Variants in NDE1 observed in about 807,000 individuals in gnomAD.
NDE1 encodes nudE neurodevelopment protein 1, also known as nuclear distribution protein nudE homolog 1.
In NDE1, 28 loss-of-function variants were observed where a neutral mutation model predicts 43.4. That is an observed-to-expected ratio of 0.65 (90% CI 0.48 to 0.89). The LOEUF (loss-of-function observed/expected upper bound fraction) is 0.89, where lower values mean the gene tolerates loss of function less well. Among genes scored for constraint, NDE1 ranks in the 40% least tolerant of loss-of-function variants. The pLI, the probability that NDE1 is intolerant of heterozygous loss-of-function variation, is 0.00. For missense variants in NDE1, 441 were observed against 434.1 expected (o/e 1.02, Z -0.14); for synonymous variants, 184 against 172.0 (o/e 1.07, Z -0.55).
chr16:15,699,904 T>A (rs1365828205), intron 8 of NDE1: 2 of 1,264,222 alleles, frequency 1.6e-6, no homozygotes, highest in African/African-American at 1.6e-5. Flanking sequence ...GTTTTTGTTT[T>A]AAGTTAGTTT....
intron 4 of NDE1, among the ~76,000 whole-genome samples, chr16:15,680,299 G>T (rs968641633): frequency 3.3e-5 from 5 of 152,132 alleles, no homozygotes; most frequent in African/African-American, 4.8e-5. Context: ...AATGTGGGGG[G>T]GCCCACGGTG....
At chr16:15,707,264 A>T (rs1449512583) in intron 8 of NDE1, among the ~76,000 whole-genome samples, 1 of 152,100 alleles carries the variant, frequency 6.6e-6, no homozygotes, top group Non-Finnish European at 1.5e-5. Flanking sequence ...CCTGACCTCA[A>T]GTTATCTGCC....
intron 8 of NDE1, among the ~76,000 whole-genome samples, chr16:15,698,718 G>A (rs1339156249): frequency 1.3e-5 from 2 of 151,870 alleles, no homozygotes; most frequent in Non-Finnish European, 2.9e-5. Context: ...AAAATTAGCC[G>A]GGCATGGTCG....
chr16:15,685,969 T>G (rs1053482788), intron 4 of NDE1, among the ~76,000 whole-genome samples: 37 of 151,348 alleles, frequency 2.4e-4, no homozygotes, highest in African/African-American at 6.8e-4. Flanking sequence ...TTTTTTTTTT[T>G]GGGAAACATT....
rs758572240 is a variant in NDE1, at chr16:15,719,209, C to T, written c.948-4982C>T. ...TGCTTCAGAGCCCTCTTCCTCCATT[C>T]AGTTTCCTACCTTCCCGACAGGCTA... On this transcript the variant is annotated intron_variant, in intron 8 of 8. Transcript: ENST00000396354. The T allele has an allele frequency of 1.2e-5, 19 of 1,612,996 alleles. No homozygotes were observed. Among genetic ancestry groups the T allele is most frequent in the African/African-American group, 2.7e-5 (2 of 74,920 alleles).
At position 15,691,134 on chromosome 16, in the gene NDE1, T is replaced by A. The variant is rs377663978; in HGVS notation, c.524-10T>A. 4.3e-6 allele frequency: 7 copies of A among 1,613,966 alleles called. No individual in the cohort carries two copies. In the African/African-American group the frequency reaches 8.0e-5, roughly 18 times the overall value. On this transcript the variant is annotated splice_polypyrimidine_tract_variant and intron_variant, in intron 5 of 8. Transcript: ENST00000396354. ...AGGACTTGAATTCCTGAATCCTTTT[T>A]CTGGCACAGATTTGCGGCAGGAACT...
intron 7 of NDE1, chr16:15,694,688 C>T (rs1049362710): frequency 5.1e-6 from 5 of 985,222 alleles, no homozygotes; most frequent in African/African-American, 1.7e-5. Context: ...GTGGCTGCTC[C>T]TTTAGCATCC....
At chr16:15,710,523 A>G (rs543139313) in intron 8 of NDE1, among the ~76,000 whole-genome samples, 1 of 151,762 alleles carries the variant, frequency 6.6e-6, no homozygotes, top group South Asian at 2.1e-4. Context: ...CCGTCTAAAA[A>G]TAAATAATAA....
chr16:15,669,285 C>G (rs1445307770), intron 3 of NDE1, among the ~76,000 whole-genome samples: 1 of 152,048 alleles, frequency 6.6e-6, no homozygotes, highest in African/African-American at 2.4e-5. Context: ...CCTCCGCCTC[C>G]CAGGTTCAAG....
At chr16:15,718,377 G>C in intron 8 of NDE1, 1 of 1,606,120 alleles carries the variant, frequency 6.2e-7, no homozygotes, top group Non-Finnish European at 8.5e-7. Flanking sequence ...TCCTCCTCCA[G>C]CTCCTCCTCC....
chr16:15,714,690 A>G (rs1183272144), intron 8 of NDE1: 3 of 630,618 alleles, frequency 4.8e-6, no homozygotes, highest in African/African-American at 1.8e-5. Flanking sequence ...TCGTTAAAGG[A>G]TCTAGAAGGT....
chr16:15,647,179 G>A (rs2036348013), upstream of NDE1, among the ~76,000 whole-genome samples: 1 of 152,240 alleles, frequency 6.6e-6, no homozygotes, highest in South Asian at 2.1e-4. Flanking sequence ...CTGTTGATAG[G>A]TGGTGGGGTT....
At position 15,720,464 on chromosome 16, in the gene NDE1, C is replaced by T. The variant is rs987262104; in HGVS notation, c.948-3727C>T. 3.6e-5 allele frequency: 41 copies of T among 1,150,502 alleles called. No homozygotes were observed. The East Asian group carries it at 4.6e-4, about 13-fold the overall frequency. 71.3% of individuals were successfully genotyped at this position (1,150,502 alleles called of 1,614,324 possible). A position where few individuals can be genotyped will look rare whatever the true frequency, so the allele number is the denominator to read the frequency against. ...AGTTGCAGATGAGAAAACGGAATCACGCCGGGCGTGGGTGGCTCATGTCTG... is the reference window on the plus strand; with the variant it reads ...AGTTGCAGATGAGAAAACGGAATCATGCCGGGCGTGGGTGGCTCATGTCTG... On this transcript the variant is annotated intron_variant, in intron 8 of 8. Coordinates refer to ENST00000396354, the MANE Select transcript of NDE1 (RefSeq NM_017668.3).
At chr16:15,660,960 TC>T (rs2037013289) in intron 1 of NDE1, among the ~76,000 whole-genome samples, 1 of 152,114 alleles carries the variant, frequency 6.6e-6, no homozygotes, top group South Asian at 2.1e-4. Flanking sequence ...AGGCGATTCT[TC>T]CATGGTCACG....
intron 8 of NDE1, among the ~76,000 whole-genome samples, chr16:15,705,347 C>G (rs1378710950): frequency 2.0e-5 from 3 of 152,162 alleles, no homozygotes; most frequent in Middle Eastern, 3.2e-3. Flanking sequence ...GCCATCTCCT[C>G]TCTGCGCTGG....
rs760751759 is a variant in NDE1, at chr16:15,699,793, G to T, written c.947+2933G>T. ...CATGTCTTCATCGCCGCTGCCGTCA[G>T]CCCAGGGGGTAGTCAAGATGTTGCT... On this transcript the variant is annotated intron_variant, in intron 8 of 8. Transcript: ENST00000396354. 3.0e-6 allele frequency: 4 copies of T among 1,351,568 alleles called. No homozygotes were observed. In the East Asian group the frequency reaches 1.8e-4, roughly 62 times the overall value. 83.7% of individuals were successfully genotyped at this position (1,351,568 alleles called of 1,614,324 possible). A position where few individuals can be genotyped will look rare whatever the true frequency, so the allele number is the denominator to read the frequency against.
chr16:15,675,989 G>A (rs1043968631), intron 3 of NDE1, among the ~76,000 whole-genome samples: 3 of 152,108 alleles, frequency 2.0e-5, no homozygotes, highest in Non-Finnish European at 4.4e-5. Context: ...TACTTAGCCT[G>A]GAGGTGGCAC....
intron 1 of NDE1, among the ~76,000 whole-genome samples, chr16:15,662,823 C>G (rs1342174527): frequency 6.6e-6 from 1 of 152,116 alleles, no homozygotes; most frequent in Non-Finnish European, 1.5e-5. Flanking sequence ...AAGCGATCTG[C>G]CTACCTTGGC....
intron 7 of NDE1, 129 bp downstream of exon 7, chr16:15,694,385 G>C: frequency 6.5e-7 from 1 of 1,532,062 alleles, no homozygotes; most frequent in Non-Finnish European, 8.8e-7. Flanking sequence ...TTGCTCTGTT[G>C]CTCAGGCTGG....
Sources: gnomAD v4.1 joint callset for allele counts (sites outside exome capture counted in the v4.1 genomes callset) on GRCh38, gnomAD v4.1.1 for gene constraint, MANE v1.5 for transcripts, NCBI Gene and HGNC (gene_info 2026-07-23, HGNC 2026-07-21) for gene names.